RUFY3: variants seen among roughly 807,000 people sequenced by gnomAD.
The protein encoded by RUFY3 is protein RUFY3.
RUFY3 carries 34 observed loss-of-function variants against 84.0 expected under a neutral mutation model. The ratio of observed to expected loss-of-function variants is 0.40; its 90% CI spans 0.31 to 0.54. RUFY3 has a LOEUF of 0.54. Ranked by LOEUF, RUFY3 falls within the 20% of genes least tolerant of loss-of-function variation. The pLI, the probability that RUFY3 is intolerant of heterozygous loss-of-function variation, is 0.39. For missense variants in RUFY3, 507 were observed against 736.8 expected (o/e 0.69, Z 3.61); for synonymous variants, 242 against 252.9 (o/e 0.96, Z 0.41).
chr4:70,773,219 C>T (rs1258603014), intron 5 of RUFY3, among the ~76,000 whole-genome samples: 1 of 152,032 alleles, frequency 6.6e-6, no homozygotes, highest in Non-Finnish European at 1.5e-5. Context: ...TAGCAGAATA[C>T]CCGAAATAAG....
intron 14 of RUFY3, 127 bp downstream of exon 14, chr4:70,795,021 T>G: frequency 1.5e-6 from 1 of 659,884 alleles, no homozygotes; most frequent in Non-Finnish European, 2.7e-6. Context: ...AGTATGTAGA[T>G]AGCAAACTAG....
chr4:70,753,828 G>C (rs28464420), intron 1 of RUFY3, among the ~76,000 whole-genome samples: 8,142 of 151,918 alleles, frequency 0.054, 530 homozygotes, highest in African/African-American at 0.16. Context: ...TGGTTTCCAA[G>C]GGAAAAAACT....
At chr4:70,708,405 A>T (rs1740592552) in intron 1 of RUFY3, among the ~76,000 whole-genome samples, 1 of 151,304 alleles carries the variant, frequency 6.6e-6, no homozygotes, top group South Asian at 2.1e-4. Context: ...CAAGTGATCC[A>T]CCCTCCTCGG....
intron 14 of RUFY3, among the ~76,000 whole-genome samples, chr4:70,797,338 G>T (rs1285651729): frequency 6.6e-6 from 1 of 152,104 alleles, no homozygotes; most frequent in African/African-American, 2.4e-5. Context: ...GTTTATTTTG[G>T]TGCGAAATAT....
chr4:70,764,463 G>T lies in RUFY3; in HGVS notation c.471-12G>T, dbSNP rs753206219. 5 of 1,580,778 alleles carry T rather than the reference G, an allele frequency of 3.2e-6. No homozygotes were observed. Among genetic ancestry groups the T allele is most frequent in the Non-Finnish European group, 4.3e-6 (5 of 1,152,934 alleles). On this transcript the variant is annotated splice_polypyrimidine_tract_variant and intron_variant, in intron 3 of 17. Transcript: ENST00000381006. ...TTATGTTTTCAGTTGTTTGATTTCT[G>T]TGTTTTTGTAGGACACCAGTAGGTA... is the stretch of plus-strand genomic sequence containing the variant.
chr4:70,741,870 A>T (rs546484314), intron 1 of RUFY3, among the ~76,000 whole-genome samples: 1 of 152,332 alleles, frequency 6.6e-6, no homozygotes, highest in East Asian at 1.9e-4. Context: ...CTTTTGAAAG[A>T]TATTTGCTGA....
chr4:70,794,457 AG>A (rs2148809293), intron 13 of RUFY3, among the ~76,000 whole-genome samples: 1 of 152,240 alleles, frequency 6.6e-6, no homozygotes, highest in South Asian at 2.1e-4. Context: ...GGTGGGTGCC[AG>A]TAATCCCAGC....
At chr4:70,714,710 C>A (rs781056606) in intron 1 of RUFY3, among the ~76,000 whole-genome samples, 6 of 152,130 alleles carry the variant, frequency 3.9e-5, no homozygotes, top group Non-Finnish European at 7.4e-5. Context: ...TGAGTAGATA[C>A]GTAAGAGGTA....
At chr4:70,768,036 T>C (rs772216377) in intron 4 of RUFY3, among the ~76,000 whole-genome samples, 11 of 152,260 alleles carry the variant, frequency 7.2e-5, no homozygotes, top group Non-Finnish European at 1.5e-4. Flanking sequence ...GGTCTTACTA[T>C]GTTGCTCACT....
intron 1 of RUFY3, among the ~76,000 whole-genome samples, chr4:70,713,914 C>T (rs146222007): frequency 2.6e-5 from 4 of 152,288 alleles, no homozygotes; most frequent in Non-Finnish European, 4.4e-5. Context: ...TTTATCCTTA[C>T]TGACTTTCAT....
intron 4 of RUFY3, among the ~76,000 whole-genome samples, chr4:70,765,742 TG>T (rs1384527086): frequency 1.3e-5 from 2 of 151,926 alleles, no homozygotes; most frequent in African/African-American, 4.8e-5. Context: ...TGTGCTATTT[TG>T]TCATTTGTTA....
intron 1 of RUFY3, among the ~76,000 whole-genome samples, chr4:70,716,425 C>T (rs1458167377): frequency 1.3e-5 from 2 of 152,084 alleles, no homozygotes; most frequent in Admixed American, 6.6e-5. Context: ...GGATTACAGA[C>T]GTGAGCCGCC....
rs1177616350 is a variant in RUFY3 at position 70,762,746 on chromosome 4, A to T, written c.352+54A>T. The T allele has an allele frequency of 9.0e-6, 13 of 1,451,278 alleles. No individual in the cohort carries two copies. The East Asian group carries it at 2.7e-4, about 31-fold the overall frequency. 89.9% of individuals were successfully genotyped at this position (1,451,278 alleles called of 1,614,324 possible). A position where few individuals can be genotyped will look rare whatever the true frequency, so the allele number is the denominator to read the frequency against. ...GCATGCAGCTGTTTTCTAGCAATGCATACTATAGAAGAAAGCATTCTTTGT... is the reference window on the plus strand; with the variant it reads ...GCATGCAGCTGTTTTCTAGCAATGCTTACTATAGAAGAAAGCATTCTTTGT... On this transcript the variant is annotated intron_variant, in intron 2 of 17. Coordinates refer to ENST00000381006, the MANE Select transcript of RUFY3 (RefSeq NM_001037442.4).
At chr4:70,769,782 G>A (rs761453811) in intron 5 of RUFY3, among the ~76,000 whole-genome samples, 12 of 152,096 alleles carry the variant, frequency 7.9e-5, no homozygotes, top group South Asian at 2.1e-4. Context: ...AAACAGATGT[G>A]CTGTCTTTGT....
intron 1 of RUFY3, among the ~76,000 whole-genome samples, chr4:70,727,935 A>G (rs950011301): frequency 1.3e-5 from 2 of 152,170 alleles, no homozygotes; most frequent in Admixed American, 1.3e-4. Flanking sequence ...GACTCAGTTT[A>G]TAACACGTTT....
chr4:70,732,525 A>G (rs1470331897), intron 1 of RUFY3, among the ~76,000 whole-genome samples: 1 of 152,214 alleles, frequency 6.6e-6, no homozygotes, highest in Non-Finnish European at 1.5e-5. Flanking sequence ...CATCAATAAT[A>G]CACTGGATAA....
chr4:70,794,225 A>G (rs542146121), intron 13 of RUFY3, among the ~76,000 whole-genome samples: 20 of 152,262 alleles, frequency 1.3e-4, no homozygotes, highest in African/African-American at 4.3e-4. Flanking sequence ...TCACATGCAA[A>G]CTCTCCTAAT....
At chr4:70,791,883 G>C in intron 12 of RUFY3, 1 of 985,342 alleles carries the variant, frequency 1.0e-6, no homozygotes, top group Non-Finnish European at 1.2e-6. Context: ...AAGATTGCTT[G>C]CAACTTTTTT....
chr4:70,768,690 T>C, intron 5 of RUFY3, 29 bp downstream of exon 5: 1 of 1,609,406 alleles, frequency 6.2e-7, no homozygotes, highest in Non-Finnish European at 8.5e-7. Context: ...TTCCCATGGG[T>C]GTCACTCTGA....
Sources: gnomAD v4.1 joint callset for allele counts (sites outside exome capture counted in the v4.1 genomes callset) on GRCh38, gnomAD v4.1.1 for gene constraint, MANE v1.5 for transcripts, NCBI Gene and HGNC (gene_info 2026-07-23, HGNC 2026-07-21) for gene names.